TTF2: variants seen among roughly 807,000 people sequenced by gnomAD.
The protein encoded by TTF2 is transcription termination factor 2.
A neutral mutation model predicts 142.4 loss-of-function variants in TTF2; 108 were observed. The ratio of observed to expected loss-of-function variants is 0.76; its 90% confidence interval spans 0.65 to 0.89. The LOEUF is 0.89. Ranked by LOEUF, TTF2 falls within the 40% of genes least tolerant of loss-of-function variation. The probability of loss-of-function intolerance (pLI) is 0.00; values close to 1 mark genes in which losing one functional copy is unlikely to be tolerated. For missense variants in TTF2, 1,327 were observed against 1,379.8 expected, an observed-to-expected ratio of 0.96 and a Z score of 0.61; for synonymous variants, 483 against 506.2, an observed-to-expected ratio of 0.95 and a Z score of 0.61.
chr1:117,077,152 C>T (rs1400913876), intron 7 of TTF2, among the ~76,000 whole-genome samples: 26 of 150,992 alleles, frequency 1.7e-4, no homozygotes. Flanking sequence ...GGGTTCAGTA[C>T]CATCCAGTTT....
chr1:117,089,003 G>A, intron 13 of TTF2, 21 bp downstream of exon 13: 3 of 1,584,702 alleles, frequency 1.9e-6, no homozygotes, highest in Non-Finnish European at 1.7e-6. Flanking sequence ...TCTCGTGATT[G>A]TGTAAATATG....
At position 117,088,942 on chromosome 1, in the gene TTF2, C is replaced by G. The variant is rs374191255; in HGVS notation, c.2302C>G (p.Pro768Ala). 3 of 1,612,966 alleles carry G rather than the reference C, an allele frequency of 1.9e-6. No homozygotes were observed. Among genetic ancestry groups the G allele is most frequent in the Admixed American group, 1.7e-5 (1 of 59,718 alleles). Residue 768 changes from proline (P) to alanine (A), a missense_variant, in exon 13 of 23, where the codon CCC becomes GCC. Pro to Ala is a conservative substitution (Grantham distance 27). Transcript: ENST00000369466. ...TGCCCGTTGGGCTGTCACTGGAACC[C>G]CCATTCAAAACAACTTATTGGATAT... Reference protein sequence around the residue: ...ACARWAVTGTPIQNNLLDMYS... With the variant: ...ACARWAVTGTAIQNNLLDMYS...
At position 117,090,750 on chromosome 1, in the gene TTF2, C is replaced by CTTT; in HGVS notation, c.2588+136_2588+138dup. 8.1e-6 allele frequency: 5 copies of CTTT among 614,960 alleles called. No homozygotes were observed. Among genetic ancestry groups the CTTT allele is most frequent in the African/African-American group, 2.0e-5 (1 of 51,246 alleles). 38.1% of individuals were successfully genotyped at this position (614,960 alleles called of 1,614,324 possible). A position where few individuals can be genotyped will look rare whatever the true frequency, so the allele number is the denominator to read the frequency against. On this transcript the variant is annotated intron_variant, in intron 15 of 22. Coordinates refer to ENST00000369466, the MANE Select transcript of TTF2 (RefSeq NM_003594.4). The surrounding 1 kb of genome is among the most constrained non-coding windows in gnomAD (Gnocchi z 4.8). ...TTGATTAGTTGGATGTCTGTATTCC[C>CTTT]TTTTTTTTTTTACCCCATTTTTCTC...
rs1648468748 is a variant in TTF2 at position 117,090,470 on chromosome 1, T to G, written c.2497-62T>G. 7 of 1,483,884 alleles carry G rather than the reference T, an allele frequency of 4.7e-6. No individual in the cohort carries two copies. In the South Asian group the frequency reaches 8.3e-5, roughly 18 times the overall value. The allele number at this position is 1,483,884 out of a possible 1,614,324, so 91.9% of individuals were successfully genotyped here. On this transcript the variant is annotated intron_variant, in intron 14 of 22. Transcript: ENST00000369466. The surrounding 1 kb of genome is among the most constrained non-coding windows in gnomAD (Gnocchi z 4.8). ...ATATGCAGTGTCAGTATGGGGAATT[T>G]GTTCTATAATAGGCAGTTAATTTGT...
In TTF2 at chr1:117,097,276, T is replaced by A; in HGVS notation, c.3187-75T>A. ...ACACAGTGCTTATCTGTATTGATTG[T>A]GGACTTAAACCTGAGACCGAGATGT... On this transcript the variant is annotated intron_variant, in intron 20 of 22. Transcript: ENST00000369466. This position sits in a 1 kb window ranked among gnomAD's most constrained non-coding sequence, Gnocchi z 4.1. 7.8e-7 allele frequency: 1 copy of A among 1,289,578 alleles called. No individual in the cohort carries two copies. Among genetic ancestry groups the A allele is most frequent in the Non-Finnish European group, 1.1e-6 (1 of 884,958 alleles). The allele number at this position is 1,289,578 out of a possible 1,614,324, so 79.9% of individuals were successfully genotyped here. A position where few individuals can be genotyped will look rare whatever the true frequency, so the allele number is the denominator to read the frequency against.
At chr1:117,098,107 T>C (rs1285581825) in intron 21 of TTF2, 1 of 152,216 alleles carries the variant, frequency 6.6e-6, no homozygotes, top group Non-Finnish European at 1.5e-5. Flanking sequence ...CAACCTGTTA[T>C]CATCTTCCAG....
chr1:117,090,658 T>G lies in TTF2; in HGVS notation c.2588+35T>G. 8 of 1,550,310 alleles carry G rather than the reference T, an allele frequency of 5.2e-6. No homozygotes were observed. The highest frequency in any genetic ancestry group is 7.1e-6 in the Non-Finnish European group (8 of 1,127,178). ...TTAAAGAAGCACCTTCTCACACACA[T>G]TGTTTTATTCCTGTCTTTTCTTGGG... On this transcript the variant is annotated intron_variant, in intron 15 of 22. Coordinates refer to ENST00000369466, the MANE Select transcript of TTF2 (RefSeq NM_003594.4). The surrounding 1 kb of genome is among the most constrained non-coding windows in gnomAD (Gnocchi z 4.8).
intron 17 of TTF2, 41 bp downstream of exon 17, chr1:117,091,991 A>AG: frequency 6.4e-7 from 1 of 1,557,678 alleles, no homozygotes; most frequent in Non-Finnish European, 8.7e-7. Context: ...AGTGCTCCAG[A>AG]GGGGCCACCT....
Position 117,092,795 on chromosome 1 carries a change from C to T in TTF2, c.2870C>T (p.Ala957Val). Residue 957 changes from alanine to valine, a missense_variant, in exon 18 of 23, where the codon GCT becomes GTT. By Grantham distance (64) the Ala-to-Val change is moderately conservative. Coordinates refer to ENST00000369466, the MANE Select transcript of TTF2 (RefSeq NM_003594.4). This position sits in a 1 kb window ranked among gnomAD's most constrained non-coding sequence, Gnocchi z 4.4. ...CTTTCCCTGGAAGAACAGCTCAGTG[C>T]TTTGACCTTGTCAGAACTCCGTGAC... ...LVLSLEEQLS[A>V]LTLSELRDSE... 6.2e-7 allele frequency: 1 copy of T among 1,614,172 alleles called. No individual in the cohort carries two copies. The highest frequency in any genetic ancestry group is 8.5e-7 in the Non-Finnish European group (1 of 1,180,024).
At chr1:117,066,633 A>G (rs1215988784) in intron 3 of TTF2, among the ~76,000 whole-genome samples, 2 of 151,708 alleles carry the variant, frequency 1.3e-5, no homozygotes, top group Non-Finnish European at 2.9e-5. Context: ...CAAGGAAGAA[A>G]GGTAATGTTG....
chr1:117,096,155 T>C lies in TTF2; in HGVS notation c.3042T>C (p.Ile1014=), dbSNP rs200518390. ...ATTTTATTCTTCTTTCCAGTGTCAT[T>C]GTCTCTCAGTGGACCAACATGCTGA... ...QRNSASQKSV[I]VSQWTNMLKV... The change falls in exon 20 of 23, where the codon ATT becomes ATC. Residue 1014 remains isoleucine (I), a synonymous_variant. Coordinates refer to ENST00000369466, the MANE Select transcript of TTF2 (RefSeq NM_003594.4). The C allele has an allele frequency of 5.0e-5, 81 of 1,613,996 alleles. No individual in the cohort carries two copies. In the Middle Eastern group the frequency reaches 9.9e-4, roughly 20 times the overall value.
At chr1:117,096,657 C>T (rs1027141686) in intron 20 of TTF2, among the ~76,000 whole-genome samples, 5 of 152,218 alleles carry the variant, frequency 3.3e-5, no homozygotes, top group African/African-American at 1.2e-4. Flanking sequence ...GGGTTACAGG[C>T]GTAAGCCACC....
At position 117,087,543 on chromosome 1, in the gene TTF2, T is replaced by A. The variant is rs1216070744; in HGVS notation, c.2160+1021T>A. Among the ~76,000 whole-genome samples the A allele has an allele frequency of 6.6e-6, 1 of 152,220 alleles. No homozygotes were observed. Among genetic ancestry groups the A allele is most frequent in the East Asian group, 1.9e-4 (1 of 5,188 alleles). ...CCTGACCTCAAGTGATCCACCCGCC[T>A]CGGCCTCCCAAAGTGCTGGGATTAT... On this transcript the variant is annotated intron_variant, in intron 12 of 22. Transcript: ENST00000369466. This position sits in a 1 kb window ranked among gnomAD's most constrained non-coding sequence, Gnocchi z 4.8.
In TTF2 at chr1:117,086,789, T is replaced by A. The variant is rs1463014140; in HGVS notation, c.2160+267T>A. 6.6e-6 allele frequency among the ~76,000 whole-genome samples: 1 copy of A among 152,212 alleles called. No homozygotes were observed. The highest frequency in any genetic ancestry group is 6.5e-5 in the Admixed American group (1 of 15,284). The stretch of plus-strand genomic sequence containing the variant: ...TGCATTGTATTTGTGGGGGTAATAA[T>A]CACCTGAATATATAAAAGCCTTACT... On this transcript the variant is annotated intron_variant, in intron 12 of 22. Coordinates refer to ENST00000369466, the MANE Select transcript of TTF2 (RefSeq NM_003594.4). The surrounding 1 kb of genome is among the most constrained non-coding windows in gnomAD (Gnocchi z 4.2).
At position 117,097,332 on chromosome 1, in the gene TTF2, G is replaced by A. The variant is rs1649236661; in HGVS notation, c.3187-19G>A. Reference sequence around the variant, plus strand: ...GAGACCAAGTCTGTTTAAAGTTAATGTTGTGTTTCCTTTTGAAGGTAATGC... The same window carrying A: ...GAGACCAAGTCTGTTTAAAGTTAATATTGTGTTTCCTTTTGAAGGTAATGC... On this transcript the variant is annotated intron_variant, in intron 20 of 22. Coordinates refer to ENST00000369466, the MANE Select transcript of TTF2 (RefSeq NM_003594.4). The surrounding 1 kb of genome is among the most constrained non-coding windows in gnomAD (Gnocchi z 4.1). 1 of 1,612,842 alleles carries A rather than the reference G, an allele frequency of 6.2e-7. No homozygotes were observed. The highest frequency in any genetic ancestry group is 8.5e-7 in the Non-Finnish European group (1 of 1,178,812).
chr1:117,062,260 G>A, intron 2 of TTF2, 127 bp from the exon 3 acceptor site: 1 of 771,702 alleles, frequency 1.3e-6, no homozygotes. Context: ...TAATGTGTGG[G>A]AATTACAAAC....
chr1:117,089,014 A>C, intron 13 of TTF2, 32 bp downstream of exon 13: 1 of 1,568,594 alleles, frequency 6.4e-7, no homozygotes, highest in Non-Finnish European at 8.6e-7. Flanking sequence ...TGTAAATATG[A>C]ACCCTGTCTG....
At chr1:117,065,466 A>C (rs548087293) in intron 3 of TTF2, among the ~76,000 whole-genome samples, 57 of 152,198 alleles carry the variant, frequency 3.7e-4, no homozygotes, top group Admixed American at 7.9e-4. Flanking sequence ...GGCATGGTGG[A>C]AGGCGCCTGT....
At position 117,100,083 on chromosome 1, in the gene TTF2, A is replaced by G. The variant is rs145454981; in HGVS notation, c.3344+1176A>G. ...TCTTTTATTCATTGTTCTTTTGAGCATTCAGCCCATAAAACATACCTTTTG... is the reference window on the plus strand; with the variant it reads ...TCTTTTATTCATTGTTCTTTTGAGCGTTCAGCCCATAAAACATACCTTTTG... On this transcript the variant is annotated intron_variant, in intron 22 of 22. Transcript: ENST00000369466. The surrounding 1 kb of genome is among the most constrained non-coding windows in gnomAD (Gnocchi z 4.6). Among the ~76,000 whole-genome samples the G allele has an allele frequency of 3.6e-3, 551 of 152,344 alleles. 3 individuals carry two copies. The highest frequency in any genetic ancestry group is 0.013 in the African/African-American group (520 of 41,580).
Sources: gnomAD v4.1 joint callset for allele counts (sites outside exome capture counted in the v4.1 genomes callset) on GRCh38, gnomAD v4.1.1 for gene constraint, Gnocchi (gnomAD v3.1) non-coding constraint, MANE v1.5 for transcripts, NCBI Gene and HGNC (gene_info 2026-07-23, HGNC 2026-07-21) for gene names.